The following ANXA8 variants were observed in gnomAD, a reference collection of about 807,000 sequenced individuals.
The protein encoded by ANXA8 is annexin A8, also known as VAC-beta.
Under a neutral mutation model 26.8 loss-of-function variants are expected in ANXA8, and 9 were observed. That is an observed-to-expected ratio of 0.34 (90% confidence interval 0.20 to 0.59). ANXA8 has a LOEUF of 0.59. ANXA8 is among the 20% of genes least tolerant of loss of function. The probability of loss-of-function intolerance (pLI) is 0.84; values close to 1 mark genes in which losing one functional copy is unlikely to be tolerated. For missense variants in ANXA8, 83 were observed against 238.5 expected (o/e 0.35, Z 4.29); for synonymous variants, 39 against 94.8 (o/e 0.41, Z 3.42).
chr10:47,693,174 G>A, the ANXA8 span, among the ~76,000 whole-genome samples: 1 of 151,582 alleles, frequency 6.6e-6, no homozygotes, highest in Non-Finnish European at 1.5e-5. Context: ...ATACAGAGGC[G>A]GTATTTAGAA....
At chr10:47,968,830 A>G in the ANXA8 span, among the ~76,000 whole-genome samples, 1 of 147,000 alleles carries the variant, frequency 6.8e-6, no homozygotes, top group Non-Finnish European at 1.5e-5. Context: ...CCCAAGCAAA[A>G]TCATGGAATT....
the ANXA8 span, among the ~76,000 whole-genome samples, chr10:47,597,020 G>A: frequency 6.7e-6 from 1 of 148,948 alleles, no homozygotes; most frequent in Non-Finnish European, 1.5e-5. Context: ...CAAAGTACTT[G>A]CAAACCACAT....
chr10:47,951,540 A>C, the ANXA8 span, among the ~76,000 whole-genome samples: 4 of 150,732 alleles, frequency 2.7e-5, no homozygotes, highest in African/African-American at 9.8e-5. Context: ...GCTGGGCACC[A>C]TGCTCACGCC....
At chr10:47,948,666 G>T in the ANXA8 span, among the ~76,000 whole-genome samples, 3 of 150,146 alleles carry the variant, frequency 2.0e-5, no homozygotes, top group Non-Finnish European at 2.9e-5. Flanking sequence ...AAGCTGAGAA[G>T]GAAAGGAAAG....
At chr10:47,767,510 G>A in the ANXA8 span, among the ~76,000 whole-genome samples, 1 of 152,204 alleles carries the variant, frequency 6.6e-6, no homozygotes, top group East Asian at 1.9e-4. Flanking sequence ...CTGCTCCCCT[G>A]CCTCCTCTCA....
the ANXA8 span, among the ~76,000 whole-genome samples, chr10:47,575,264 A>G: frequency 7.4e-6 from 1 of 135,014 alleles, no homozygotes. Context: ...GGAAAGAAAG[A>G]GAGAGAAAGA....
chr10:47,503,292 G>GC, the ANXA8 span: 3 of 1,584,354 alleles, frequency 1.9e-6, no homozygotes, highest in Non-Finnish European at 2.6e-6. Context: ...GGATGGCTCT[G>GC]CCGCTCCCGA....
the ANXA8 span, among the ~76,000 whole-genome samples, chr10:47,575,244 A>G: frequency 2.1e-5 from 3 of 140,768 alleles, no homozygotes; most frequent in Non-Finnish European, 4.6e-5. Context: ...AGAAAGAAAG[A>G]AGGAAGGAAG....
chr10:47,649,920 G>A, the ANXA8 span, among the ~76,000 whole-genome samples: 52,055 of 126,078 alleles, frequency 0.41, 7,319 homozygotes, highest in East Asian at 0.59. Flanking sequence ...TGTATTATAG[G>A]AATTGGGGCC....
the ANXA8 span, among the ~76,000 whole-genome samples, chr10:47,643,236 A>G: frequency 8.4e-6 from 1 of 119,698 alleles, no homozygotes; most frequent in African/African-American, 4.3e-5. Context: ...TGTATCAAAA[A>G]TGAGAAAATT....
chr10:47,647,361 C>T, the ANXA8 span, among the ~76,000 whole-genome samples: 1 of 150,812 alleles, frequency 6.6e-6, no homozygotes, highest in East Asian at 1.9e-4. Flanking sequence ...TCAATTCACA[C>T]CCAGGGAAAT....
At chr10:47,483,731 C>T (rs1169197661) in intron 1 of ANXA8, among the ~76,000 whole-genome samples, 182 bp downstream of exon 1, 1 of 147,542 alleles carries the variant, frequency 6.8e-6, no homozygotes, top group Non-Finnish European at 1.5e-5. Flanking sequence ...CTGCCGTGGG[C>T]ACTCTAGGCC....
the ANXA8 span, among the ~76,000 whole-genome samples, chr10:47,676,074 T>C: frequency 6.6e-6 from 1 of 151,548 alleles, no homozygotes; most frequent in Non-Finnish European, 1.5e-5. Context: ...TTACATGGGC[T>C]TAACAGTTTA....
At chr10:47,597,167 T>A in the ANXA8 span, among the ~76,000 whole-genome samples, 1 of 149,362 alleles carries the variant, frequency 6.7e-6, no homozygotes, top group South Asian at 2.1e-4. Flanking sequence ...AACATAAGAT[T>A]ATCTCAACAG....
chr10:47,976,854 G>A, the ANXA8 span, among the ~76,000 whole-genome samples: 2 of 113,614 alleles, frequency 1.8e-5, no homozygotes, highest in Non-Finnish European at 3.8e-5. Flanking sequence ...GGCAGTACCA[G>A]TTGGGGCTAA....
chr10:47,701,660 A>G, the ANXA8 span, among the ~76,000 whole-genome samples: 1 of 151,746 alleles, frequency 6.6e-6, no homozygotes, highest in Non-Finnish European at 1.5e-5. Flanking sequence ...ATAAGAAAAT[A>G]CCTCTGTTTA....
chr10:47,487,221 C>T, upstream of ANXA8: 2 of 1,108,808 alleles, frequency 1.8e-6, no homozygotes, highest in Non-Finnish European at 2.6e-6. Flanking sequence ...GCTCAATGTA[C>T]ACATGTCATG....
chr10:47,941,888 A>G, the ANXA8 span, among the ~76,000 whole-genome samples: 1 of 147,824 alleles, frequency 6.8e-6, no homozygotes, highest in African/African-American at 2.6e-5. Flanking sequence ...TTTGATTGTA[A>G]GATTTCTGTA....
the ANXA8 span, among the ~76,000 whole-genome samples, chr10:47,971,322 G>A: frequency 2.0e-5 from 3 of 151,234 alleles, 1 homozygote; most frequent in Non-Finnish European, 4.4e-5. Context: ...GAAGGGGAGA[G>A]AGGAGATAAA....
Sources: allele counts gnomAD v4.1 joint callset (sites outside exome capture counted in the v4.1 genomes callset), GRCh38; gene constraint gnomAD v4.1.1; transcripts MANE v1.5; gene names NCBI Gene and HGNC (gene_info 2026-07-23, HGNC 2026-07-21).